Variants in NCALD observed in about 807,000 individuals in gnomAD.
NCALD encodes the protein neurocalcin-delta.
Under a neutral mutation model 18.6 loss-of-function variants are expected in NCALD, and 10 were observed. That is an observed-to-expected ratio of 0.54 (90% CI 0.33 to 0.91). The LOEUF (loss-of-function observed/expected upper bound fraction) is 0.91. Among genes scored for constraint, NCALD ranks in the 40% least tolerant of loss-of-function variants. The pLI is 0.03. For synonymous variants in NCALD, 88 were observed against 87.4 expected, an observed-to-expected ratio of 1.01 and a Z score of -0.04; for missense variants, 184 against 247.6, an observed-to-expected ratio of 0.74 and a Z score of 1.72.
At chr8:102,059,536 A>AACAAAATCAGGCT (rs1823767589) in intron 1 of NCALD, among the ~76,000 whole-genome samples, 1 of 152,260 alleles carries the variant, frequency 6.6e-6, no homozygotes, top group South Asian at 2.1e-4. Context: ...GGCAAACATG[A>AACAAAATCAGGCT]ACAAAATCAG....
At chr8:102,011,610 T>C (rs1821906257) in intron 2 of NCALD, among the ~76,000 whole-genome samples, 2 of 152,306 alleles carry the variant, frequency 1.3e-5, no homozygotes, top group South Asian at 4.1e-4. Flanking sequence ...AAAACTTTCC[T>C]ACCTAGTTTA....
intron 3 of NCALD, among the ~76,000 whole-genome samples, chr8:101,903,133 A>T (rs1325424950): frequency 6.6e-6 from 1 of 152,168 alleles, no homozygotes; most frequent in African/African-American, 2.4e-5. Context: ...TAACACTGAA[A>T]GGCTTGATAA....
chr8:101,694,939 C>T (rs1377088447), intron 2 of NCALD, among the ~76,000 whole-genome samples: 1 of 152,176 alleles, frequency 6.6e-6, no homozygotes, highest in Non-Finnish European at 1.5e-5. Flanking sequence ...TGTCTTTTCA[C>T]ACCAGCAAAA....
At chr8:101,821,894 A>AAG (rs2131194698) in intron 4 of NCALD, among the ~76,000 whole-genome samples, 1 of 151,776 alleles carries the variant, frequency 6.6e-6, no homozygotes, top group East Asian at 1.9e-4. Flanking sequence ...AAAAAAAAAA[A>AAG]AAAAAAAAAA....
intron 2 of NCALD, among the ~76,000 whole-genome samples, chr8:101,931,672 T>G (rs977564563): frequency 6.6e-5 from 10 of 152,080 alleles, no homozygotes; most frequent in African/African-American, 2.4e-4. Context: ...TTGGGTTTGG[T>G]TTTGGTTTGT....
chr8:101,762,032 T>C (rs553103008), intron 1 of NCALD, among the ~76,000 whole-genome samples: 1 of 152,250 alleles, frequency 6.6e-6, no homozygotes, highest in African/African-American at 2.4e-5. Flanking sequence ...GGGCAATTCT[T>C]CTCCCTTAAT....
At chr8:101,912,008 A>T (rs1817818822) in intron 3 of NCALD, among the ~76,000 whole-genome samples, 1 of 152,248 alleles carries the variant, frequency 6.6e-6, no homozygotes, top group Admixed American at 6.5e-5. Flanking sequence ...CAATCAGGAA[A>T]AATATACATT....
At chr8:102,005,451 T>A (rs1821664311) in intron 2 of NCALD, among the ~76,000 whole-genome samples, 2 of 152,196 alleles carry the variant, frequency 1.3e-5, no homozygotes, top group Non-Finnish European at 2.9e-5. Context: ...AGTTCAACCA[T>A]TGTGGAAGTC....
At chr8:101,937,425 G>A (rs1818804927) in intron 2 of NCALD, among the ~76,000 whole-genome samples, 1 of 152,060 alleles carries the variant, frequency 6.6e-6, no homozygotes. Flanking sequence ...CCACTTATAA[G>A]TAAAAATGTG....
intron 3 of NCALD, among the ~76,000 whole-genome samples, chr8:101,892,133 G>C (rs1182871933): frequency 6.6e-6 from 1 of 151,010 alleles, no homozygotes; most frequent in Non-Finnish European, 1.5e-5. Flanking sequence ...TTTGAAGAGA[G>C]CAGTGGTTCT....
At chr8:101,792,827 G>A (rs1427320715), upstream of NCALD, among the ~76,000 whole-genome samples, 1 of 150,784 alleles carries the variant, frequency 6.6e-6, no homozygotes, top group Non-Finnish European at 1.5e-5. Flanking sequence ...TAGCATTTAA[G>A]AGAGAAAAAC....
At chr8:101,963,071 C>G (rs1819893696) in intron 2 of NCALD, among the ~76,000 whole-genome samples, 1 of 152,168 alleles carries the variant, frequency 6.6e-6, no homozygotes, top group South Asian at 2.1e-4. Context: ...AGGCTGCCAA[C>G]AGTTTAATAG....
Position 101,817,303 on chromosome 8 carries a change from A to C in NCALD, c.-20+69838T>G, listed in dbSNP as rs999342528. Among the ~76,000 whole-genome samples the C allele has an allele frequency of 4.6e-5, 7 of 152,306 alleles. No individual in the cohort carries two copies. In the East Asian group the frequency reaches 1.3e-3, roughly 29 times the overall value. On this transcript the variant is annotated intron_variant, in intron 4 of 6. Coordinates refer to the NCALD transcript ENST00000311028. ...TCAGGGAGCGCCTGGGAAGCAGATC[A>C]AGCGCTTGATTAGGATGCCATCCTC...
At chr8:101,962,332 C>T (rs1011536679) in intron 2 of NCALD, among the ~76,000 whole-genome samples, 12 of 152,206 alleles carry the variant, frequency 7.9e-5, no homozygotes, top group Non-Finnish European at 1.3e-4. Flanking sequence ...AATATATGAT[C>T]TATCTACAAA....
intron 4 of NCALD, among the ~76,000 whole-genome samples, chr8:101,816,982 C>T (rs2226725): frequency 0.72 from 109,912 of 151,912 alleles, 40,307 homozygotes; most frequent in East Asian, 0.8. Context: ...AAAAAAAAAA[C>T]GAAATCAGCA....
At chr8:102,015,024 G>A (rs1392619483) in intron 2 of NCALD, among the ~76,000 whole-genome samples, 1 of 152,128 alleles carries the variant, frequency 6.6e-6, no homozygotes, top group Non-Finnish European at 1.5e-5. Context: ...TAAGCAAGCT[G>A]AAAGTTGAGG....
chr8:102,004,306 G>T (rs1259567791), intron 2 of NCALD, among the ~76,000 whole-genome samples: 2 of 152,170 alleles, frequency 1.3e-5, no homozygotes, highest in Admixed American at 1.3e-4. Context: ...AAAATACTTA[G>T]GAATCCAACT....
chr8:101,730,766 G>T (rs1470610314), intron 1 of NCALD, among the ~76,000 whole-genome samples: 6 of 152,076 alleles, frequency 3.9e-5, no homozygotes, highest in African/African-American at 1.2e-4. Flanking sequence ...TATTCACTTG[G>T]TCATGGTTCC....
intron 1 of NCALD, among the ~76,000 whole-genome samples, chr8:102,093,172 A>C (rs1220200812): frequency 6.6e-6 from 1 of 152,170 alleles, no homozygotes; most frequent in Non-Finnish European, 1.5e-5. Context: ...ACAAAAAAAA[A>C]AAAGTCACCA....
Sources: allele counts gnomAD v4.1 joint callset (sites outside exome capture counted in the v4.1 genomes callset), GRCh38; gene constraint gnomAD v4.1.1; transcripts MANE v1.5; gene names NCBI Gene and HGNC (gene_info 2026-07-23, HGNC 2026-07-21).